IGF1R: variants seen among roughly 807,000 people sequenced by gnomAD.
IGF1R encodes insulin-like growth factor 1 receptor.
In IGF1R, 44 loss-of-function variants were observed where a neutral mutation model predicts 144.6. That is an observed-to-expected ratio of 0.30 (90% CI 0.24 to 0.39). IGF1R has a LOEUF of 0.39. Among genes scored for constraint, IGF1R ranks in the 10% least tolerant of loss-of-function variants. The probability of loss-of-function intolerance (pLI) is 1.00; values close to 1 mark genes in which losing one functional copy is unlikely to be tolerated. For missense variants in IGF1R, 1,355 were observed against 1,833.7 expected, an observed-to-expected ratio of 0.74 and a Z score of 4.77; for synonymous variants, 795 against 722.8, an observed-to-expected ratio of 1.10 and a Z score of -1.60.
rs1405108095 is a variant in IGF1R at position 98,878,682 on chromosome 15, AAAAAAAAAAAAAAC to A, written c.641-12640_641-12627del. 1.1e-3 allele frequency among the ~76,000 whole-genome samples: 155 copies of A among 144,818 alleles called. 1 individual carries two copies. Among genetic ancestry groups the A allele is most frequent in the African/African-American group, 3.8e-3 (147 of 39,102 alleles). On this transcript the variant is annotated intron_variant, in intron 2 of 20. Coordinates refer to ENST00000650285, the MANE Select transcript of IGF1R (RefSeq NM_000875.5). ...AAGACTCAAAAAAAAAAAAAAAAAAAAAAAAAAAAAAAACAACAACAAAAAAAAGGCCAGGCACG... is the reference window on the plus strand; with the variant it reads ...AAGACTCAAAAAAAAAAAAAAAAAAAAACAACAAAAAAAAGGCCAGGCACG...
chr15:98,924,784 A>G, intron 13 of IGF1R, 100 bp downstream of exon 13: 1 of 1,124,864 alleles, frequency 8.9e-7, no homozygotes, highest in South Asian at 1.3e-5. Flanking sequence ...TTTTCTGTTA[A>G]AATGGAGTTG....
chr15:98,680,193 T>G lies in IGF1R; in HGVS notation c.95-27369T>G, dbSNP rs544449086. Among the ~76,000 whole-genome samples, 21 of 152,138 alleles carry G rather than the reference T, an allele frequency of 1.4e-4. No individual in the cohort carries two copies. The East Asian group carries it at 3.9e-3, about 28-fold the overall frequency. ...CTCAGCCTTCACATTCACTCACCACTCACTGACTCACCCGAGGGAGCAACT... is the reference window on the plus strand; with the variant it reads ...CTCAGCCTTCACATTCACTCACCACGCACTGACTCACCCGAGGGAGCAACT... On this transcript the variant is annotated intron_variant, in intron 1 of 20. Coordinates refer to ENST00000650285, the MANE Select transcript of IGF1R (RefSeq NM_000875.5).
chr15:98,805,731 T>C (rs1383522657), intron 2 of IGF1R, among the ~76,000 whole-genome samples: 1 of 152,258 alleles, frequency 6.6e-6, no homozygotes, highest in African/African-American at 2.4e-5. Context: ...AAAGTAGTTC[T>C]GATAAGTCCT....
chr15:98,790,912 G>T (rs533900187), intron 2 of IGF1R, among the ~76,000 whole-genome samples: 1 of 152,294 alleles, frequency 6.6e-6, no homozygotes, highest in Admixed American at 6.5e-5. Context: ...AGAAAGTGAC[G>T]TTGGTTAATC....
At chr15:98,758,256 C>T (rs2055205700) in intron 2 of IGF1R, among the ~76,000 whole-genome samples, 1 of 151,602 alleles carries the variant, frequency 6.6e-6, no homozygotes, top group Non-Finnish European at 1.5e-5. Flanking sequence ...ATTGTGTCTC[C>T]ACATATGCTC....
intron 13 of IGF1R, among the ~76,000 whole-genome samples, chr15:98,927,431 C>T (rs190543567): frequency 2.6e-5 from 4 of 152,314 alleles, no homozygotes; most frequent in Admixed American, 2.0e-4. Flanking sequence ...GTCTTTTGGC[C>T]TTTTCTTGTA....
Position 98,962,882 on chromosome 15 carries a change from A to G in IGF1R, c.*5440A>G. ...GAACACAAACTACATCGCACTCGTC[A>G]GTTGTCAGTTCTGGGGCATGACTTT... On this transcript the variant is annotated 3_prime_UTR_variant, in exon 21 of 21. Coordinates refer to ENST00000650285, the MANE Select transcript of IGF1R (RefSeq NM_000875.5). 1 of 233,748 alleles carries G rather than the reference A, an allele frequency of 4.3e-6. No homozygotes were observed. 14.5% of individuals were successfully genotyped at this position (233,748 alleles called of 1,614,324 possible). A position where few individuals can be genotyped will look rare whatever the true frequency, so the allele number is the denominator to read the frequency against.
rs930050676 is a variant in IGF1R, at chr15:98,963,499, A to G, written c.*6057A>G. 2 of 233,210 alleles carry G rather than the reference A, an allele frequency of 8.6e-6. No individual in the cohort carries two copies. The highest frequency in any genetic ancestry group is 2.2e-5 in the African/African-American group (1 of 45,352). 14.4% of individuals were successfully genotyped at this position (233,210 alleles called of 1,614,324 possible). A position where few individuals can be genotyped will look rare whatever the true frequency, so the allele number is the denominator to read the frequency against. ...AAAGAACCTCATTGGCCATGGAAAC[A>G]GCCGAGGTGTTGGAGCCCAGCAGTG... On this transcript the variant is annotated 3_prime_UTR_variant, in exon 21 of 21. Coordinates refer to ENST00000650285, the MANE Select transcript of IGF1R (RefSeq NM_000875.5).
At chr15:98,884,163 T>C (rs2013522038) in intron 2 of IGF1R, among the ~76,000 whole-genome samples, 1 of 152,108 alleles carries the variant, frequency 6.6e-6, no homozygotes, top group African/African-American at 2.4e-5. Flanking sequence ...GGTGGCAGCC[T>C]TGGCCACGGT....
At chr15:98,894,435 A>T (rs1033353729) in intron 3 of IGF1R, among the ~76,000 whole-genome samples, 3 of 152,220 alleles carry the variant, frequency 2.0e-5, no homozygotes, top group African/African-American at 7.2e-5. Flanking sequence ...CCTATGATAG[A>T]TAGTTAGTTA....
rs1596403412 is a variant in IGF1R at position 98,891,769 on chromosome 15, A to G, written c.953+132A>G. 4 of 829,868 alleles carry G rather than the reference A, an allele frequency of 4.8e-6. No homozygotes were observed. The highest frequency in any genetic ancestry group is 7.8e-6 in the Non-Finnish European group (4 of 515,580). 51.4% of individuals were successfully genotyped at this position (829,868 alleles called of 1,614,324 possible). A position where few individuals can be genotyped will look rare whatever the true frequency, so the allele number is the denominator to read the frequency against. On this transcript the variant is annotated intron_variant, in intron 3 of 20. Transcript: ENST00000650285. The surrounding 1 kb of genome is among the most constrained non-coding windows in gnomAD (Gnocchi z 4.7). ...AAGTTCACTGAGGTGGGTCATTTTG[A>G]GAGGGCTGGCTTACCTTAAATGTTT...
chr15:98,922,986 T>G (rs1266753111), intron 11 of IGF1R, among the ~76,000 whole-genome samples: 1 of 152,220 alleles, frequency 6.6e-6, no homozygotes, highest in African/African-American at 2.4e-5. Flanking sequence ...TGTCCTTTAG[T>G]AGGCCTCAGG....
chr15:98,650,049 AGCCT>A (rs2052313136), intron 1 of IGF1R, among the ~76,000 whole-genome samples: 1 of 151,642 alleles, frequency 6.6e-6, no homozygotes, highest in Non-Finnish European at 1.5e-5. Flanking sequence ...CATGCGCAAG[AGCCT>A]CTCCGCACAC....
chr15:98,750,524 A>C (rs2054984301), intron 2 of IGF1R, among the ~76,000 whole-genome samples: 1 of 152,192 alleles, frequency 6.6e-6, no homozygotes, highest in African/African-American at 2.4e-5. Context: ...TGTTCTGTTC[A>C]TAAAAATTGC....
At chr15:98,848,366 C>T (rs545619234) in intron 2 of IGF1R, among the ~76,000 whole-genome samples, 1 of 152,174 alleles carries the variant, frequency 6.6e-6, no homozygotes, top group Admixed American at 6.5e-5. Context: ...CACTAAAGTG[C>T]CAGTCTCTCT....
At chr15:98,763,981 G>A (rs1311190340) in intron 2 of IGF1R, among the ~76,000 whole-genome samples, 1 of 152,184 alleles carries the variant, frequency 6.6e-6, no homozygotes, top group Non-Finnish European at 1.5e-5. Flanking sequence ...GTGTGGCCAG[G>A]CAGAAGTCCA....
chr15:98,920,392 A>G (rs534467110), intron 10 of IGF1R, among the ~76,000 whole-genome samples: 3 of 152,184 alleles, frequency 2.0e-5, no homozygotes, highest in Non-Finnish European at 4.4e-5. Flanking sequence ...TACTGAGTAT[A>G]CTTCATGAAG....
At chr15:98,764,239 C>G (rs2055378453) in intron 2 of IGF1R, among the ~76,000 whole-genome samples, 1 of 152,088 alleles carries the variant, frequency 6.6e-6, no homozygotes, top group Non-Finnish European at 1.5e-5. Flanking sequence ...TCCTTATTAA[C>G]CAGAAAAAGT....
intron 1 of IGF1R, among the ~76,000 whole-genome samples, chr15:98,691,189 A>G (rs1418637217): frequency 6.6e-6 from 1 of 152,002 alleles, no homozygotes; most frequent in African/African-American, 2.4e-5. Flanking sequence ...CTGGTCTAGG[A>G]TCCTGTGCAG....
Sources: gnomAD v4.1 joint callset for allele counts (sites outside exome capture counted in the v4.1 genomes callset) on GRCh38, gnomAD v4.1.1 for gene constraint, Gnocchi (gnomAD v3.1) non-coding constraint, MANE v1.5 for transcripts, NCBI Gene and HGNC (gene_info 2026-07-23, HGNC 2026-07-21) for gene names.